The following SH3KBP1 variants were observed in gnomAD, a reference collection of about 807,000 sequenced individuals.
SH3KBP1 encodes SH3 domain containing kinase binding protein 1, also known as SH3 domain-containing kinase-binding protein 1.
A neutral mutation model predicts 50.1 loss-of-function variants in SH3KBP1; 8 were observed. The ratio of observed to expected loss-of-function variants is 0.16; its 90% CI spans 0.09 to 0.29. SH3KBP1 has a LOEUF of 0.29. SH3KBP1 is among the 10% of genes least tolerant of loss of function. The probability of loss-of-function intolerance (pLI) is 1.00; values close to 1 mark genes in which losing one functional copy is unlikely to be tolerated. For synonymous variants in SH3KBP1, 227 were observed against 218.6 expected (o/e 1.04, Z -0.34); for missense variants, 377 against 535.2 (o/e 0.70, Z 2.92).
chrX:19,585,714 G>A (rs1002006606), intron 12 of SH3KBP1, among the ~76,000 whole-genome samples: 1 of 112,219 alleles, frequency 8.9e-6, no homozygotes, highest in African/African-American at 3.2e-5. Context: ...AGCAGCAGCA[G>A]CAGCAGCTTT....
At chrX:19,760,279 C>T (rs1412857918) in intron 2 of SH3KBP1, among the ~76,000 whole-genome samples, 2 of 109,114 alleles carry the variant, frequency 1.8e-5, no homozygotes, top group Non-Finnish European at 3.8e-5. Flanking sequence ...TCCAGCTACT[C>T]GGGAGGCTGA....
Position 19,722,932 on chromosome X carries a change from C to T in SH3KBP1, c.287-15948G>A, listed in dbSNP as rs781426381. The stretch of plus-strand genomic sequence containing the variant: ...GGCAGATCTCTTGAGCTCAGGAGTT[C>T]GAGACTAGCCTGGGCAACATGGCAA... On this transcript the variant is annotated intron_variant, in intron 3 of 17. Transcript: ENST00000397821. Among the ~76,000 whole-genome samples the T allele has an allele frequency of 8.2e-5, 9 of 109,759 alleles. No homozygotes were observed. In the East Asian group the frequency reaches 2.0e-3, roughly 24 times the overall value.
At chrX:19,735,734 G>GT (rs1726353101) in intron 3 of SH3KBP1, among the ~76,000 whole-genome samples, 1 of 70,526 alleles carries the variant, frequency 1.4e-5, no homozygotes, top group Non-Finnish European at 2.7e-5. Flanking sequence ...CGGGGGGGGG[G>GT]GGTGGGGGGG....
intron 5 of SH3KBP1, among the ~76,000 whole-genome samples, chrX:19,690,373 G>A (rs1242209831): frequency 9.0e-6 from 1 of 111,158 alleles, no homozygotes; most frequent in Non-Finnish European, 1.9e-5. Flanking sequence ...CTTCATCTTT[G>A]TCTTAGCCTG....
At chrX:19,620,376 T>G (rs570920540) in intron 8 of SH3KBP1, among the ~76,000 whole-genome samples, 74 of 112,384 alleles carry the variant, frequency 6.6e-4, no homozygotes, top group African/African-American at 2.3e-3. Context: ...AATTCCTATC[T>G]TCCACTTCCA....
intron 8 of SH3KBP1, among the ~76,000 whole-genome samples, chrX:19,613,112 T>C (rs1477261324): frequency 8.9e-6 from 1 of 112,202 alleles, no homozygotes; most frequent in Admixed American, 9.4e-5. Context: ...CCGACTGCCA[T>C]CAGGGCGGAA....
chrX:19,660,063 G>C (rs745939599), intron 6 of SH3KBP1, among the ~76,000 whole-genome samples: 4 of 112,471 alleles, frequency 3.6e-5, no homozygotes, highest in Non-Finnish European at 5.6e-5. Context: ...GAGTTATCTA[G>C]GCACTAGGGA....
chrX:19,806,240 G>C (rs1315502132), intron 2 of SH3KBP1, among the ~76,000 whole-genome samples: 2 of 111,915 alleles, frequency 1.8e-5, no homozygotes, highest in Non-Finnish European at 3.8e-5. Flanking sequence ...GACTGGGCCA[G>C]GCACAGTAGT....
chrX:19,572,127 T>C (rs1334407759), intron 12 of SH3KBP1, among the ~76,000 whole-genome samples: 2 of 109,853 alleles, frequency 1.8e-5, no homozygotes, highest in African/African-American at 6.6e-5. Flanking sequence ...CTATGCTTTA[T>C]TACTTTACTG....
intron 2 of SH3KBP1, among the ~76,000 whole-genome samples, chrX:19,764,252 T>TG (rs2065525046): frequency 9.0e-6 from 1 of 110,631 alleles, no homozygotes; most frequent in Admixed American, 9.7e-5. Flanking sequence ...GAGTGGGAAA[T>TG]GCCCACTGAT....
intron 13 of SH3KBP1, among the ~76,000 whole-genome samples, chrX:19,563,116 C>T (rs2065734056): frequency 8.9e-6 from 1 of 112,138 alleles, no homozygotes; most frequent in Non-Finnish European, 1.9e-5. Flanking sequence ...AACCCAGCCA[C>T]CGTGATGGAC....
chrX:19,751,177 T>G (rs2065054513), intron 2 of SH3KBP1, among the ~76,000 whole-genome samples: 1 of 112,197 alleles, frequency 8.9e-6, no homozygotes, highest in South Asian at 3.7e-4. Flanking sequence ...TCCATCCACA[T>G]AGAAGAGCTC....
At chrX:19,622,072 A>C (rs1263191015) in intron 8 of SH3KBP1, among the ~76,000 whole-genome samples, 1 of 112,656 alleles carries the variant, frequency 8.9e-6, no homozygotes, top group Admixed American at 9.4e-5. Context: ...GTTAACTATA[A>C]AATGAGGAAA....
chrX:19,583,153 ATTATTATTATTATTT>A (rs1569309019), intron 12 of SH3KBP1, among the ~76,000 whole-genome samples: 1 of 80,616 alleles, frequency 1.2e-5, no homozygotes, highest in Non-Finnish European at 2.4e-5. Context: ...TATTATTATT[ATTATTATTATTATTT>A]TTGAGACGCA....
intron 8 of SH3KBP1, among the ~76,000 whole-genome samples, chrX:19,613,837 G>T (rs2067511276): frequency 8.9e-6 from 1 of 112,238 alleles, no homozygotes; most frequent in African/African-American, 3.2e-5. Flanking sequence ...AGCAAGCATG[G>T]GCCATGTGAC....
At chrX:19,778,866 G>T (rs1229386496) in intron 2 of SH3KBP1, among the ~76,000 whole-genome samples, 2 of 110,185 alleles carry the variant, frequency 1.8e-5, no homozygotes, top group Non-Finnish European at 3.8e-5. Flanking sequence ...ATTACATGTG[G>T]GTCCAGCATT....
At chrX:19,572,262 TTATA>T (rs1289502178) in intron 12 of SH3KBP1, among the ~76,000 whole-genome samples, 5 of 106,848 alleles carry the variant, frequency 4.7e-5, no homozygotes, top group Admixed American at 1.0e-4. Context: ...TACATATATG[TTATA>T]TAGAGTATAT....
intron 1 of SH3KBP1, among the ~76,000 whole-genome samples, chrX:19,854,669 G>A (rs759670083): frequency 2.7e-5 from 3 of 111,143 alleles, no homozygotes; most frequent in South Asian, 7.6e-4. Flanking sequence ...CATTAACAAC[G>A]TCACCTGCAT....
At chrX:19,735,510 C>T (rs2064524202) in intron 3 of SH3KBP1, among the ~76,000 whole-genome samples, 2 of 109,934 alleles carry the variant, frequency 1.8e-5, no homozygotes, top group African/African-American at 3.3e-5. Flanking sequence ...GTCATGTTTT[C>T]ATTTTCATTA....
Sources: gnomAD v4.1 joint callset for allele counts (sites outside exome capture counted in the v4.1 genomes callset) on GRCh38, gnomAD v4.1.1 for gene constraint, MANE v1.5 for transcripts, NCBI Gene and HGNC (gene_info 2026-07-23, HGNC 2026-07-21) for gene names.